CRTAP: variants seen among roughly 807,000 people sequenced by gnomAD.
CRTAP encodes cartilage associated protein.
A neutral mutation model predicts 42.7 loss-of-function variants in CRTAP; 33 were observed. The ratio of observed to expected loss-of-function variants is 0.77; its 90% CI spans 0.59 to 1.03. CRTAP has a LOEUF of 1.03. CRTAP is among the 50% of genes least tolerant of loss of function. The probability of loss-of-function intolerance (pLI) is 0.00; values close to 1 mark genes in which losing one functional copy is unlikely to be tolerated. For missense variants in CRTAP, 613 were observed against 533.9 expected, an observed-to-expected ratio of 1.15 and a Z score of -1.46; for synonymous variants, 243 against 217.7, an observed-to-expected ratio of 1.12 and a Z score of -1.02.
chr3:33,129,856 AC>A, intron 3 of CRTAP, 82 bp from the exon 4 acceptor site: 1 of 1,437,964 alleles, frequency 7.0e-7, no homozygotes, highest in Non-Finnish European at 9.8e-7. Context: ...TTTTCTTTTA[AC>A]TTTTTCATTT....
At chr3:33,116,930 A>G (rs1303845082) in intron 1 of CRTAP, among the ~76,000 whole-genome samples, 1 of 151,956 alleles carries the variant, frequency 6.6e-6, no homozygotes, top group Non-Finnish European at 1.5e-5. Context: ...ATATAATGAG[A>G]TCTCATCTGT....
At chr3:33,140,744 A>G (rs1249689603) in intron 6 of CRTAP, among the ~76,000 whole-genome samples, 1 of 152,234 alleles carries the variant, frequency 6.6e-6, no homozygotes, top group Non-Finnish European at 1.5e-5. Flanking sequence ...GGGAAGTCCA[A>G]AAGAAATAGA....
chr3:33,142,526 G>A lies in CRTAP; in HGVS notation c.*78G>A, dbSNP rs2030606453. 4 of 1,374,906 alleles carry A rather than the reference G, an allele frequency of 2.9e-6. No individual in the cohort carries two copies. The highest frequency in any genetic ancestry group is 4.2e-6 in the Non-Finnish European group (4 of 963,088). The allele number at this position is 1,374,906 out of a possible 1,614,324, so 85.2% of individuals were successfully genotyped here. A position where few individuals can be genotyped will look rare whatever the true frequency, so the allele number is the denominator to read the frequency against. On this transcript the variant is annotated 3_prime_UTR_variant, in exon 7 of 7. Transcript: ENST00000320954. ...TGTCCTTTTCCCAACAGCCCAGGCTGTTGATACCTCAGAGCCTTCTCTTTA... is the reference window on the plus strand; with the variant it reads ...TGTCCTTTTCCCAACAGCCCAGGCTATTGATACCTCAGAGCCTTCTCTTTA...
intron 6 of CRTAP, among the ~76,000 whole-genome samples, chr3:33,139,216 T>C (rs1393528628): frequency 6.6e-6 from 1 of 152,008 alleles, no homozygotes; most frequent in Non-Finnish European, 1.5e-5. Flanking sequence ...AGTGGGAGGA[T>C]TGCTGGAGCT....
intron 1 of CRTAP, among the ~76,000 whole-genome samples, chr3:33,119,821 C>G (rs1356090218): frequency 6.6e-6 from 1 of 152,078 alleles, no homozygotes; most frequent in Non-Finnish European, 1.5e-5. Flanking sequence ...TATGACCAAC[C>G]CTAGGCCAAA....
At chr3:33,116,313 C>A (rs1701342999) in intron 1 of CRTAP, among the ~76,000 whole-genome samples, 1 of 152,166 alleles carries the variant, frequency 6.6e-6, no homozygotes. Flanking sequence ...GGTCTTGTAA[C>A]AATCACTTAG....
intron 3 of CRTAP, among the ~76,000 whole-genome samples, chr3:33,128,805 G>T (rs893443844): frequency 4.6e-5 from 7 of 152,212 alleles, no homozygotes; most frequent in Non-Finnish European, 8.8e-5. Flanking sequence ...CCCTTCTGGA[G>T]TCTTTTGCTT....
Position 33,127,116 on chromosome 3 carries a change from TA to T in CRTAP, c.793+2540del, listed in dbSNP as rs1421189116. ...ATTTGTGGCTTTTTTTTTTTTTTTT[TA>T]AATTTTTGTAGCTATCTTATTTAGG... On this transcript the variant is annotated intron_variant, in intron 3 of 6. Coordinates refer to ENST00000320954, the MANE Select transcript of CRTAP (RefSeq NM_006371.5). 3.9e-3 allele frequency among the ~76,000 whole-genome samples: 473 copies of T among 121,112 alleles called. 6 individuals are homozygous for T. The South Asian group carries it at 0.055, about 14-fold the overall frequency. The allele number at this position is 121,112 out of a possible 152,430, so 79.5% of individuals were successfully genotyped here.
intron 5 of CRTAP, 44 bp from the exon 6 acceptor site, chr3:33,134,138 G>T (rs1394559837): frequency 7.5e-7 from 1 of 1,337,556 alleles, no homozygotes; most frequent in Non-Finnish European, 1.1e-6. Context: ...GTTCTAAGAT[G>T]AAAAGGTTGG....
At chr3:33,118,575 T>C (rs1701375076) in intron 1 of CRTAP, among the ~76,000 whole-genome samples, 1 of 152,262 alleles carries the variant, frequency 6.6e-6, no homozygotes, top group African/African-American at 2.4e-5. Flanking sequence ...GGTACCGATA[T>C]ATGCCATCCT....
chr3:33,117,075 C>G (rs559059289), intron 1 of CRTAP, among the ~76,000 whole-genome samples: 8 of 152,192 alleles, frequency 5.3e-5, no homozygotes, highest in Non-Finnish European at 1.0e-4. Flanking sequence ...CCACTGCACT[C>G]CAGCCTGGGT....
rs533163379 is a variant in CRTAP, at chr3:33,124,757, G to A, written c.793+178G>A. ...CATAGATAAACCTTTGACTTGGCAG[G>A]GGCTTCTAGTGAAATCACTGAGAGA... On this transcript the variant is annotated intron_variant, in intron 3 of 6. Transcript: ENST00000320954. Among the ~76,000 whole-genome samples, 33 of 152,308 alleles carry A rather than the reference G, an allele frequency of 2.2e-4. No individual in the cohort carries two copies. In the East Asian group the frequency reaches 5.8e-3, roughly 27 times the overall value.
chr3:33,142,308 TG>T, intron 6 of CRTAP, 86 bp from the exon 7 acceptor site: 1 of 1,247,360 alleles, frequency 8.0e-7, no homozygotes, highest in Non-Finnish European at 1.2e-6. Context: ...ACAGTGGTGA[TG>T]GCCTCTCGGG....
Position 33,142,411 on chromosome 3 carries a change from A to T in CRTAP, c.1169A>T (p.Tyr390Phe). Residue 390 changes from tyrosine (Y) to phenylalanine (F), a missense_variant, in exon 7 of 7, where the codon TAT becomes TTT. Coordinates refer to ENST00000320954, the MANE Select transcript of CRTAP (RefSeq NM_006371.5). ...MDDDEGEVVE[Y>F]VDDLLELEET... ...CTCTTACAGGGAGAAGTTGTGGAAT[A>T]TGTGGATGACCTCTTGGAACTGGAG... 1 of 1,614,158 alleles carries T rather than the reference A, an allele frequency of 6.2e-7. No homozygotes were observed. The highest frequency in any genetic ancestry group is 8.5e-7 in the Non-Finnish European group (1 of 1,179,960).
intron 2 of CRTAP, among the ~76,000 whole-genome samples, chr3:33,122,260 C>T (rs1226434671): frequency 6.6e-6 from 1 of 151,964 alleles, no homozygotes; most frequent in African/African-American, 2.4e-5. Context: ...CCTCCTCTTT[C>T]TGCTTGGTCC....
chr3:33,115,793 A>G (rs1358314930), intron 1 of CRTAP, among the ~76,000 whole-genome samples: 1 of 152,092 alleles, frequency 6.6e-6, no homozygotes, highest in Non-Finnish European at 1.5e-5. Context: ...CCACGTGTAT[A>G]TTGTATTTAT....
chr3:33,140,882 C>T (rs912852627), intron 6 of CRTAP, among the ~76,000 whole-genome samples: 2 of 152,218 alleles, frequency 1.3e-5, no homozygotes, highest in Admixed American at 1.3e-4. Flanking sequence ...CCATGGGGGA[C>T]TCTGGAGCAT....
Position 33,132,126 on chromosome 3 carries a change from G to A in CRTAP, c.923-429G>A, listed in dbSNP as rs78851082. On this transcript the variant is annotated intron_variant, in intron 4 of 6. Coordinates refer to ENST00000320954, the MANE Select transcript of CRTAP (RefSeq NM_006371.5). ...TGGGTTTTCCAGGTCTGGTTTAGCTGTAGGGGAGCTAACCTAGATCTGGAG... is the reference window on the plus strand; with the variant it reads ...TGGGTTTTCCAGGTCTGGTTTAGCTATAGGGGAGCTAACCTAGATCTGGAG... 1.4e-3 allele frequency among the ~76,000 whole-genome samples: 220 copies of A among 152,256 alleles called. 2 individuals are homozygous for A. The East Asian group carries it at 0.027, about 19-fold the overall frequency.
At chr3:33,132,816 A>T (rs1017139580) in intron 5 of CRTAP, 116 bp downstream of exon 5, 70 of 1,246,410 alleles carry the variant, frequency 5.6e-5, no homozygotes, top group Non-Finnish European at 7.0e-5. Context: ...GCGGTGACTC[A>T]TGCCTGTAAT....
Sources: allele counts gnomAD v4.1 joint callset (sites outside exome capture counted in the v4.1 genomes callset), GRCh38; gene constraint gnomAD v4.1.1; transcripts MANE v1.5; gene names NCBI Gene and HGNC (gene_info 2026-07-23, HGNC 2026-07-21).